CDH18: variants seen among roughly 807,000 people sequenced by gnomAD.
CDH18 encodes the protein cadherin 18.
CDH18 carries 31 observed loss-of-function variants against 67.9 expected under a neutral mutation model. The observed-to-expected ratio is 0.46, with a 90% CI of 0.34 to 0.62. The LOEUF (loss-of-function observed/expected upper bound fraction) is 0.62. Among genes scored for constraint, CDH18 ranks in the 20% least tolerant of loss-of-function variants. CDH18 has a pLI of 0.01. For synonymous variants in CDH18, 362 were observed against 347.2 expected (o/e 1.04, Z -0.48); for missense variants, 890 against 975.5 (o/e 0.91, Z 1.17).
chr5:19,618,288 C>T (rs887881056), intron 5 of CDH18, among the ~76,000 whole-genome samples: 1 of 151,984 alleles, frequency 6.6e-6, no homozygotes, highest in African/African-American at 2.4e-5. Context: ...TCACTGCAAC[C>T]TCTGCCTCTC....
intron 1 of CDH18, among the ~76,000 whole-genome samples, chr5:20,296,693 T>C (rs1747565473): frequency 6.6e-6 from 1 of 151,892 alleles, no homozygotes; most frequent in South Asian, 2.1e-4. Context: ...ATATGTAATA[T>C]ATCATTTTTA....
At chr5:20,366,731 A>G (rs75529750) in intron 1 of CDH18, among the ~76,000 whole-genome samples, 2,873 of 152,356 alleles carry the variant, frequency 0.019, 48 homozygotes, top group Non-Finnish European at 0.027. Context: ...TCCTGAGTAT[A>G]TTCAATTCCC....
At chr5:19,985,548 A>G (rs1429586857) in intron 1 of CDH18, among the ~76,000 whole-genome samples, 1 of 152,034 alleles carries the variant, frequency 6.6e-6, no homozygotes, top group Non-Finnish European at 1.5e-5. Context: ...TCTAGTGGGT[A>G]GAGAATAGGT....
At chr5:19,672,362 C>A (rs1758864749) in intron 5 of CDH18, among the ~76,000 whole-genome samples, 1 of 152,082 alleles carries the variant, frequency 6.6e-6, no homozygotes, top group South Asian at 2.1e-4. Flanking sequence ...TCTGTGAGAA[C>A]TGACTTAAAG....
chr5:19,645,687 G>A (rs538623652), intron 5 of CDH18, among the ~76,000 whole-genome samples: 2 of 152,090 alleles, frequency 1.3e-5, no homozygotes, highest in Admixed American at 1.3e-4. Flanking sequence ...GAATAAGCAC[G>A]TCCTAAGGCA....
chr5:19,839,596 C>G (rs931458407), intron 2 of CDH18, among the ~76,000 whole-genome samples: 12 of 152,000 alleles, frequency 7.9e-5, no homozygotes, highest in Non-Finnish European at 1.5e-4. Flanking sequence ...TAACAGCAAT[C>G]AAATAGGTAC....
intron 3 of CDH18, among the ~76,000 whole-genome samples, chr5:19,838,358 G>T (rs1453253572): frequency 6.6e-6 from 1 of 152,004 alleles, no homozygotes; most frequent in Non-Finnish European, 1.5e-5. Flanking sequence ...ACATGTGCAG[G>T]AGCAATATGT....
At chr5:19,601,927 G>T (rs1189970411) in intron 6 of CDH18, among the ~76,000 whole-genome samples, 3 of 151,654 alleles carry the variant, frequency 2.0e-5, no homozygotes, top group African/African-American at 7.3e-5. Flanking sequence ...ACATAAAATA[G>T]AACTATAAAT....
chr5:19,644,807 T>C (rs1402199300), intron 5 of CDH18, among the ~76,000 whole-genome samples: 1 of 152,132 alleles, frequency 6.6e-6, no homozygotes, highest in Non-Finnish European at 1.5e-5. Context: ...ACTTCTGATG[T>C]GGGCAAAGAA....
At chr5:20,103,356 A>G (rs1746634987) in intron 2 of CDH18, among the ~76,000 whole-genome samples, 1 of 152,174 alleles carries the variant, frequency 6.6e-6, no homozygotes, top group South Asian at 2.1e-4. Flanking sequence ...TAAAATCATC[A>G]TTTGAGATTG....
At chr5:19,627,860 A>G (rs1035076795) in intron 5 of CDH18, among the ~76,000 whole-genome samples, 3 of 152,178 alleles carry the variant, frequency 2.0e-5, no homozygotes, top group African/African-American at 7.2e-5. Flanking sequence ...CTAAGGTAAA[A>G]GTAACAGAAA....
intron 9 of CDH18, among the ~76,000 whole-genome samples, chr5:19,539,243 A>G (rs1053110869): frequency 3.9e-5 from 6 of 152,104 alleles, no homozygotes; most frequent in African/African-American, 1.4e-4. Flanking sequence ...CCACCTAAAA[A>G]CTCAGAAAAT....
intron 3 of CDH18, among the ~76,000 whole-genome samples, chr5:19,830,312 G>A (rs1314193996): frequency 1.3e-5 from 2 of 152,004 alleles, no homozygotes; most frequent in African/African-American, 4.8e-5. Flanking sequence ...CTAATATCCA[G>A]AATCTATATG....
At chr5:20,051,708 T>C (rs891658493) in intron 2 of CDH18, among the ~76,000 whole-genome samples, 1 of 151,968 alleles carries the variant, frequency 6.6e-6, no homozygotes, top group Admixed American at 6.6e-5. Flanking sequence ...GATGTCTATA[T>C]CTAGATACAG....
In CDH18 at chr5:20,072,798, A is replaced by T. The variant is rs552931088; in HGVS notation, c.-517-80784T>A. On this transcript the variant is annotated intron_variant, in intron 2 of 14. Coordinates refer to the CDH18 transcript ENST00000507958. ...TGGAACTTTGACAAATTAATCTATG[A>T]TTATTAAAATTAATTTTACTTAGTA... is the stretch of plus-strand genomic sequence containing the variant. Among the ~76,000 whole-genome samples, 21 of 152,098 alleles carry T rather than the reference A, an allele frequency of 1.4e-4. No homozygotes were observed. The South Asian group carries it at 4.3e-3, about 31-fold the overall frequency.
chr5:20,381,465 C>G lies in CDH18; in HGVS notation c.-579-125960G>C, dbSNP rs1379224114. 2.6e-5 allele frequency among the ~76,000 whole-genome samples: 4 copies of G among 152,024 alleles called. No individual in the cohort carries two copies. In the South Asian group the frequency reaches 8.3e-4, roughly 32 times the overall value. On this transcript the variant is annotated intron_variant, in intron 1 of 14. Coordinates refer to the CDH18 transcript ENST00000507958. The stretch of plus-strand genomic sequence containing the variant: ...TCAACCAATTTAAATTGTACCCCCA[C>G]CTGCATGGTTGTCTCAAGGGGTCCC...
At chr5:19,611,983 T>TGTGTGTGC (rs1749045786) in intron 6 of CDH18, among the ~76,000 whole-genome samples, 1 of 151,720 alleles carries the variant, frequency 6.6e-6, no homozygotes, top group Non-Finnish European at 1.5e-5. Context: ...TGTGTGTGTG[T>TGTGTGTGC]GTGCATACAT....
chr5:19,698,526 G>A (rs1449834079), intron 5 of CDH18, among the ~76,000 whole-genome samples: 1 of 151,874 alleles, frequency 6.6e-6, no homozygotes, highest in Admixed American at 6.6e-5. Flanking sequence ...CTCTAAAACA[G>A]CTATGTGTTT....
chr5:19,579,826 T>G (rs1742935923), intron 7 of CDH18, among the ~76,000 whole-genome samples: 1 of 151,882 alleles, frequency 6.6e-6, no homozygotes, highest in Admixed American at 6.6e-5. Context: ...TTCCTGCCTG[T>G]CATTACCCAT....
Sources: allele counts gnomAD v4.1 joint callset (sites outside exome capture counted in the v4.1 genomes callset), GRCh38; gene constraint gnomAD v4.1.1; transcripts MANE v1.5; gene names NCBI Gene and HGNC (gene_info 2026-07-23, HGNC 2026-07-21).